TMPRSS11A: variants seen among roughly 807,000 people sequenced by gnomAD.
TMPRSS11A encodes transmembrane protease serine 11A.
TMPRSS11A carries 53 observed loss-of-function variants against 58.9 expected under a neutral mutation model. The observed-to-expected ratio is 0.90, with a 90% CI of 0.72 to 1.13. TMPRSS11A has a LOEUF of 1.13. Among genes scored for constraint, TMPRSS11A ranks in the 50% most tolerant of loss-of-function variants. TMPRSS11A has a pLI of 0.00. For synonymous variants in TMPRSS11A, 167 were observed against 169.8 expected (o/e 0.98, Z 0.13); for missense variants, 493 against 499.3 (o/e 0.99, Z 0.12).
At chr4:67,953,531 G>T (rs1161571569) in intron 1 of TMPRSS11A, among the ~76,000 whole-genome samples, 3 of 152,168 alleles carry the variant, frequency 2.0e-5, no homozygotes, top group African/African-American at 4.8e-5. Context: ...AGGTGTGGTG[G>T]CTCACGCCTG....
At chr4:67,919,951 G>A (rs1294049932) in intron 7 of TMPRSS11A, among the ~76,000 whole-genome samples, 5 of 152,126 alleles carry the variant, frequency 3.3e-5, no homozygotes, top group Non-Finnish European at 2.9e-5. Context: ...AGTGATATGG[G>A]AATCTACTGG....
At chr4:67,957,640 A>C (rs1721318182) in intron 1 of TMPRSS11A, among the ~76,000 whole-genome samples, 1 of 152,170 alleles carries the variant, frequency 6.6e-6, no homozygotes, top group Non-Finnish European at 1.5e-5. Flanking sequence ...AAAGTTCAGA[A>C]AATTTGCATC....
chr4:67,941,148 T>C (rs933493769), intron 3 of TMPRSS11A, among the ~76,000 whole-genome samples: 3 of 152,304 alleles, frequency 2.0e-5, no homozygotes, highest in East Asian at 3.9e-4. Context: ...TGCATCTCAA[T>C]TTGCATTCAA....
intron 3 of TMPRSS11A, among the ~76,000 whole-genome samples, chr4:67,943,781 A>T (rs1402399325): frequency 6.6e-6 from 1 of 152,200 alleles, no homozygotes; most frequent in Non-Finnish European, 1.5e-5. Flanking sequence ...TGACAGGAAA[A>T]AATGGTAGAT....
At chr4:67,947,142 G>A (rs369260586) in intron 1 of TMPRSS11A, among the ~76,000 whole-genome samples, 71 of 151,794 alleles carry the variant, frequency 4.7e-4, no homozygotes, top group African/African-American at 7.2e-4. Flanking sequence ...ATAAAACATC[G>A]TGACTTTTTA....
intron 4 of TMPRSS11A, among the ~76,000 whole-genome samples, chr4:67,930,925 C>T (rs1375132706): frequency 7.4e-6 from 1 of 135,526 alleles, no homozygotes; most frequent in African/African-American, 2.8e-5. Context: ...TATTTTTGTT[C>T]ATTTAGGCTC....
chr4:67,961,512 T>TTTTG (rs1721427337), intron 1 of TMPRSS11A, among the ~76,000 whole-genome samples: 1 of 28,928 alleles, frequency 3.5e-5, no homozygotes, highest in African/African-American at 1.0e-4. Flanking sequence ...TTTTTTTTTT[T>TTTTG]TTTTTTTTTT....
chr4:67,959,612 C>T (rs1181664528), intron 1 of TMPRSS11A, among the ~76,000 whole-genome samples: 5 of 152,124 alleles, frequency 3.3e-5, no homozygotes, highest in Non-Finnish European at 7.4e-5. Flanking sequence ...CCTTACTAAT[C>T]GTCAGAGAAA....
intron 9 of TMPRSS11A, among the ~76,000 whole-genome samples, chr4:67,913,588 C>T (rs1010320031): frequency 6.6e-6 from 1 of 152,162 alleles, no homozygotes. Flanking sequence ...CTGAATTCCC[C>T]GGTCCTGTCT....
chr4:67,937,387 A>G (rs751572353), intron 3 of TMPRSS11A, among the ~76,000 whole-genome samples: 1 of 152,206 alleles, frequency 6.6e-6, no homozygotes, highest in Non-Finnish European at 1.5e-5. Flanking sequence ...TTTTTCTCTA[A>G]TAAGTATACC....
At chr4:67,958,310 C>A (rs1721338215) in intron 1 of TMPRSS11A, among the ~76,000 whole-genome samples, 1 of 152,204 alleles carries the variant, frequency 6.6e-6, no homozygotes, top group Non-Finnish European at 1.5e-5. Flanking sequence ...CAATGCCAGC[C>A]TGTGAAAGCA....
chr4:67,959,385 C>T (rs573604076), intron 1 of TMPRSS11A, among the ~76,000 whole-genome samples: 6 of 152,204 alleles, frequency 3.9e-5, no homozygotes, highest in African/African-American at 1.4e-4. Flanking sequence ...AGTATCTGCA[C>T]AGCAAAAGAA....
rs149854677 is a variant in TMPRSS11A at position 67,928,690 on chromosome 4, C to G, written c.481+1190G>C. On this transcript the variant is annotated intron_variant, in intron 5 of 9. Transcript: ENST00000508048. ...TGGGAGAGGTCCTCAGCTTTATTCC[C>G]TAAGTAGCTGACTCGTTCTCACATC... Among the ~76,000 whole-genome samples the G allele has an allele frequency of 2.6e-3, 397 of 152,320 alleles. 2 individuals carry two copies. The highest frequency in any genetic ancestry group is 8.9e-3 in the African/African-American group (371 of 41,564).
intron 2 of TMPRSS11A, 32 bp from the exon 3 acceptor site, chr4:67,944,669 T>C (rs1720960194): frequency 6.3e-7 from 1 of 1,594,606 alleles, no homozygotes. Context: ...GGAAACTAAA[T>C]GGTTTGGACA....
At chr4:67,954,217 G>A (rs997105008) in intron 1 of TMPRSS11A, among the ~76,000 whole-genome samples, 1 of 152,158 alleles carries the variant, frequency 6.6e-6, no homozygotes, top group African/African-American at 2.4e-5. Context: ...CAGAAAAAGG[G>A]AAAAATTAAA....
intron 1 of TMPRSS11A, among the ~76,000 whole-genome samples, chr4:67,948,970 T>G (rs1462477915): frequency 6.6e-6 from 1 of 152,224 alleles, no homozygotes; most frequent in Non-Finnish European, 1.5e-5. Flanking sequence ...TCAAATTATT[T>G]AATAAATTTA....
intron 5 of TMPRSS11A, among the ~76,000 whole-genome samples, chr4:67,927,605 T>G (rs1017698526): frequency 6.6e-6 from 1 of 152,098 alleles, no homozygotes; most frequent in Non-Finnish European, 1.5e-5. Flanking sequence ...GTCTGCCAGG[T>G]CAAGTGGGCA....
At chr4:67,925,994 A>G (rs1045349054) in intron 5 of TMPRSS11A, among the ~76,000 whole-genome samples, 1 of 152,250 alleles carries the variant, frequency 6.6e-6, no homozygotes, top group Non-Finnish European at 1.5e-5. Flanking sequence ...GGAAATAAAC[A>G]TTAACACTTT....
At chr4:67,928,131 G>A (rs1464369493) in intron 5 of TMPRSS11A, among the ~76,000 whole-genome samples, 2 of 152,078 alleles carry the variant, frequency 1.3e-5, no homozygotes, top group Non-Finnish European at 2.9e-5. Context: ...TGCAACCTCC[G>A]CCTCCCGGGT....
Sources: allele counts gnomAD v4.1 joint callset (sites outside exome capture counted in the v4.1 genomes callset), GRCh38; gene constraint gnomAD v4.1.1; transcripts MANE v1.5; gene names NCBI Gene and HGNC (gene_info 2026-07-23, HGNC 2026-07-21).